RSRP1: variants seen among roughly 807,000 people sequenced by gnomAD.
RSRP1 encodes arginine and serine rich protein 1.
Under a neutral mutation model 33.0 loss-of-function variants are expected in RSRP1, and 37 were observed. The ratio of observed to expected loss-of-function variants is 1.12; its 90% CI spans 0.86 to 1.48. The LOEUF is 1.48. RSRP1 is among the 40% of genes most tolerant of loss of function. The pLI is 0.00. For missense variants in RSRP1, 402 were observed against 385.3 expected, an observed-to-expected ratio of 1.04 and a Z score of -0.36; for synonymous variants, 167 against 158.7, an observed-to-expected ratio of 1.05 and a Z score of -0.40.
chr1:25,270,856 T>C (rs1395499688), intron 1 of RSRP1, among the ~76,000 whole-genome samples: 1 of 131,764 alleles, frequency 7.6e-6, no homozygotes, highest in East Asian at 1.9e-4. Context: ...AGCAAGTACT[T>C]AATAACAGTT....
rs1324717818 is a variant in RSRP1, at chr1:25,269,351, G to A, written c.-66-22322C>T. 3.8e-5 allele frequency among the ~76,000 whole-genome samples: 5 copies of A among 132,852 alleles called. 1 individual carries two copies. Among genetic ancestry groups the A allele is most frequent in the Admixed American group, 7.3e-5 (1 of 13,684 alleles). The allele number at this position is 132,852 out of a possible 152,430, so 87.2% of individuals were successfully genotyped here. ...CTTCCACTGCATGTGTGTTGCTTTCGCGCCATCATAAAGTTGAAAAGCGTT... is the reference window on the plus strand; with the variant it reads ...CTTCCACTGCATGTGTGTTGCTTTCACGCCATCATAAAGTTGAAAAGCGTT... On this transcript the variant is annotated intron_variant, in intron 1 of 1. Coordinates refer to the RSRP1 transcript ENST00000561867.
In RSRP1 at chr1:25,290,614, C is replaced by G. The variant is rs1459230322; in HGVS notation, c.-66-43585G>C. 13 of 1,357,440 alleles carry G rather than the reference C, an allele frequency of 9.6e-6. 3 individuals are homozygous for G. The highest frequency in any genetic ancestry group is 1.4e-5 in the Non-Finnish European group (13 of 958,758). The allele number at this position is 1,357,440 out of a possible 1,614,324, so 84.1% of individuals were successfully genotyped here. Reference sequence around the variant, plus strand: ...GTGAGAGGCATCCTTCCTTCTCAGTCGTCCTGGCTCTCCCTCTCTCCCCCA... The same window carrying G: ...GTGAGAGGCATCCTTCCTTCTCAGTGGTCCTGGCTCTCCCTCTCTCCCCCA... On this transcript the variant is annotated intron_variant, in intron 1 of 1. Coordinates refer to the RSRP1 transcript ENST00000561867.
chr1:25,322,394 T>C (rs142527975), intron 1 of RSRP1, among the ~76,000 whole-genome samples: 2,998 of 133,102 alleles, frequency 0.023, 506 homozygotes, highest in African/African-American at 0.07. Context: ...TACAACTGGC[T>C]GGGCACGGTG....
rs1374187961 is a variant in RSRP1 at position 25,270,248 on chromosome 1, G to GCTTA, written c.-66-23223_-66-23220dup. 4.6e-5 allele frequency among the ~76,000 whole-genome samples: 6 copies of GCTTA among 130,762 alleles called. 1 individual carries two copies. Among genetic ancestry groups the GCTTA allele is most frequent in the Non-Finnish European group, 9.0e-5 (5 of 55,328 alleles). 85.8% of individuals were successfully genotyped at this position (130,762 alleles called of 152,430 possible). On this transcript the variant is annotated intron_variant, in intron 1 of 1. Coordinates refer to the RSRP1 transcript ENST00000561867. ...TTAATTGCTGTTGGGGTAGCAGAGG[G>GCTTA]CTTAGAAGCCCATGTTCCTAGACTT... is the stretch of plus-strand genomic sequence containing the variant.
intron 1 of RSRP1, among the ~76,000 whole-genome samples, chr1:25,331,884 C>T (rs1645018226): frequency 7.9e-6 from 1 of 127,332 alleles, no homozygotes; most frequent in East Asian, 2.0e-4. Flanking sequence ...GGACTACAGG[C>T]GCCCGCCACT....
At chr1:25,337,059 G>C (rs1211663010) in intron 1 of RSRP1, 1 of 170,422 alleles carries the variant, frequency 5.9e-6, no homozygotes, top group East Asian at 1.3e-4. Flanking sequence ...TGAAGTGAAG[G>C]GGGGTTCTGC....
rs183176143 is a variant in RSRP1 at position 25,320,721 on chromosome 1, T to C, written c.-67+17257A>G. ...CTTCAGGAAGCTGGAGGAATACATA[T>C]GGCCAAGCTATCTGGGCAGAGAGTA... On this transcript the variant is annotated intron_variant, in intron 1 of 1. Coordinates refer to the RSRP1 transcript ENST00000561867. 2.1e-3 allele frequency among the ~76,000 whole-genome samples: 274 copies of C among 132,202 alleles called. 24 individuals carry two copies. The East Asian group carries it at 0.039, about 19-fold the overall frequency. The allele number at this position is 132,202 out of a possible 152,430, so 86.7% of individuals were successfully genotyped here.
At chr1:25,308,513 T>A (rs1372140762) in intron 1 of RSRP1, among the ~76,000 whole-genome samples, 3 of 132,142 alleles carry the variant, frequency 2.3e-5, no homozygotes, top group African/African-American at 7.8e-5. Context: ...CTTAACAAAC[T>A]GGCTTTCCAA....
At chr1:25,311,935 G>A (rs2124034646) in intron 1 of RSRP1, among the ~76,000 whole-genome samples, 1 of 130,910 alleles carries the variant, frequency 7.6e-6, no homozygotes, top group East Asian at 2.0e-4. Context: ...AGAGCCCCTA[G>A]TAGAGCAGGG....
intron 1 of RSRP1, among the ~76,000 whole-genome samples, chr1:25,270,742 A>C (rs1403703811): frequency 7.6e-6 from 1 of 132,358 alleles, no homozygotes; most frequent in African/African-American, 2.6e-5. Flanking sequence ...CAAGTCACTT[A>C]GTTTTTCTGT....
chr1:25,321,270 T>C (rs1044863), intron 1 of RSRP1, among the ~76,000 whole-genome samples: 7 of 125,376 alleles, frequency 5.6e-5, no homozygotes, highest in Non-Finnish European at 9.4e-5. Context: ...TGGGGCCCTT[T>C]TACTCCATCT....
chr1:25,268,399 G>C lies in RSRP1; in HGVS notation c.-66-21370C>G, dbSNP rs1640390440. Among the ~76,000 whole-genome samples, 4 of 130,748 alleles carry C rather than the reference G, an allele frequency of 3.1e-5. 2 individuals are homozygous for C. The highest frequency in any genetic ancestry group is 7.2e-5 in the Non-Finnish European group (4 of 55,212). The allele number at this position is 130,748 out of a possible 152,430, so 85.8% of individuals were successfully genotyped here. A position where few individuals can be genotyped will look rare whatever the true frequency, so the allele number is the denominator to read the frequency against. On this transcript the variant is annotated intron_variant, in intron 1 of 1. Transcript: ENST00000561867. ...CGCGGTGTGGTGGCTCATGCCTGTA[G>C]TCCCAGCTACTTGGGAGGCTGAGGA...
chr1:25,245,407 T>C (rs1024696663), intron 2 of RSRP1, 106 bp from the exon 3 acceptor site: 5 of 1,375,720 alleles, frequency 3.6e-6, no homozygotes, highest in Non-Finnish European at 4.8e-6. Context: ...GTATTAAATA[T>C]ATTAAGTCAC....
In RSRP1 at chr1:25,296,256, TC is replaced by T. The variant is rs1338668079; in HGVS notation, c.-67+41721del. ...CAGTGTACATTTCTTTTTTTTTTTTTCTTTGAGACAGAGTCTTGCTCCATCA... is the reference window on the plus strand; with the variant it reads ...CAGTGTACATTTCTTTTTTTTTTTTTTTTGAGACAGAGTCTTGCTCCATCA... On this transcript the variant is annotated intron_variant, in intron 1 of 1. Transcript: ENST00000561867. Among the ~76,000 whole-genome samples, 293 of 128,178 alleles carry T rather than the reference TC, an allele frequency of 2.3e-3. 62 individuals carry two copies. Among genetic ancestry groups the T allele is most frequent in the Middle Eastern group, 0.021 (5 of 238 alleles). The allele number at this position is 128,178 out of a possible 152,430, so 84.1% of individuals were successfully genotyped here.
At chr1:25,244,989 A>G (rs1265580279) in intron 3 of RSRP1, 161 bp downstream of exon 3, 15 of 1,504,988 alleles carry the variant, frequency 1.0e-5, no homozygotes, top group Non-Finnish European at 1.3e-5. Context: ...TCCCATTTTC[A>G]TGGGTTTGAC....
At position 25,299,074 on chromosome 1, in the gene RSRP1, A is replaced by T. The variant is rs1391670107; in HGVS notation, c.-67+38904T>A. Among the ~76,000 whole-genome samples the T allele has an allele frequency of 5.3e-4, 60 of 112,198 alleles. 2 individuals carry two copies. The highest frequency in any genetic ancestry group is 1.9e-3 in the African/African-American group (58 of 30,716). The allele number at this position is 112,198 out of a possible 152,430, so 73.6% of individuals were successfully genotyped here. ...TTAGAATTGTCAGCACATGGTGATA[A>T]AAAAAAAAAAAAAAAAAAAAAAACA... On this transcript the variant is annotated intron_variant, in intron 1 of 1. Coordinates refer to the RSRP1 transcript ENST00000561867.
chr1:25,321,793 A>C lies in RSRP1; in HGVS notation c.-67+16185T>G, dbSNP rs990044455. 1.1e-5 allele frequency: 7 copies of C among 641,804 alleles called. No individual in the cohort carries two copies. In the African/African-American group the frequency reaches 1.2e-4, roughly 11 times the overall value. 39.8% of individuals were successfully genotyped at this position (641,804 alleles called of 1,614,324 possible). The stretch of plus-strand genomic sequence containing the variant: ...TGTGGGAGAAAAAGGATTTCTGTTG[A>C]GATACTGTCGTTTTGACACACAATA... On this transcript the variant is annotated intron_variant, in intron 1 of 1. Coordinates refer to the RSRP1 transcript ENST00000561867.
upstream of RSRP1, chr1:25,248,168 A>G (rs1374970092): frequency 6.6e-6 from 1 of 152,230 alleles, no homozygotes; most frequent in Non-Finnish European, 1.5e-5. Context: ...AAAAAGACTC[A>G]AAACTGACCT....
chr1:25,268,167 G>A (rs1328608437), intron 1 of RSRP1, among the ~76,000 whole-genome samples: 1 of 133,786 alleles, frequency 7.5e-6, no homozygotes, highest in Non-Finnish European at 1.8e-5. Context: ...AGCAACCACA[G>A]CAGTCAAAAG....
Sources: allele counts gnomAD v4.1 joint callset (sites outside exome capture counted in the v4.1 genomes callset), GRCh38; gene constraint gnomAD v4.1.1; transcripts MANE v1.5; gene names NCBI Gene and HGNC (gene_info 2026-07-23, HGNC 2026-07-21).